USP24: variants seen among roughly 807,000 people sequenced by gnomAD.
USP24 encodes ubiquitin carboxyl-terminal hydrolase 24.
In USP24, 97 loss-of-function variants were observed where a neutral mutation model predicts 361.6. That is an observed-to-expected ratio of 0.27 (90% CI 0.23 to 0.32). USP24 has a LOEUF of 0.32. Ranked by LOEUF, USP24 falls within the 10% of genes least tolerant of loss-of-function variation. The probability of loss-of-function intolerance (pLI) is 1.00; values close to 1 mark genes in which losing one functional copy is unlikely to be tolerated. For synonymous variants in USP24, 1,098 were observed against 1,124.6 expected, an observed-to-expected ratio of 0.98 and a Z score of 0.47; for missense variants, 2,353 against 3,165.6, an observed-to-expected ratio of 0.74 and a Z score of 6.16.
intron 67 of USP24, among the ~76,000 whole-genome samples, chr1:55,070,341 C>T (rs1223402885): frequency 6.6e-6 from 1 of 152,134 alleles, no homozygotes; most frequent in Non-Finnish European, 1.5e-5. Context: ...AGAGACTCCA[C>T]AAACCTTTAC....
At chr1:55,175,338 T>G (rs1057165041) in intron 3 of USP24, among the ~76,000 whole-genome samples, 1 of 148,570 alleles carries the variant, frequency 6.7e-6, no homozygotes, top group African/African-American at 2.5e-5. Flanking sequence ...CAGATTCTCC[T>G]GCCTCAGCCT....
In USP24 at chr1:55,178,151, G is replaced by A; in HGVS notation, c.325-19C>T. The A allele has an allele frequency of 6.9e-7, 1 of 1,456,494 alleles. No homozygotes were observed. The highest frequency in any genetic ancestry group is 9.0e-7 in the Non-Finnish European group (1 of 1,107,810). The allele number at this position is 1,456,494 out of a possible 1,614,324, so 90.2% of individuals were successfully genotyped here. A position where few individuals can be genotyped will look rare whatever the true frequency, so the allele number is the denominator to read the frequency against. On this transcript the variant is annotated intron_variant, in intron 1 of 67. Coordinates refer to ENST00000294383, the MANE Select transcript of USP24 (RefSeq NM_015306.3). The stretch of plus-strand genomic sequence containing the variant: ...CATTCTTCTGACGAAAAGGGATTAA[G>A]ATAAAAAGCAAATAAAACTAATTAG...
chr1:55,124,731 TC>T, intron 34 of USP24, 103 bp from the exon 35 acceptor site: 1 of 1,248,654 alleles, frequency 8.0e-7, no homozygotes. Flanking sequence ...CTCCTTTCCC[TC>T]CAAGGTCATC....
At chr1:55,114,546 C>T (rs1416019230) in intron 38 of USP24, among the ~76,000 whole-genome samples, 1 of 152,102 alleles carries the variant, frequency 6.6e-6, no homozygotes, top group East Asian at 1.9e-4. Context: ...AACAGATATA[C>T]AGACCAATGG....
chr1:55,198,314 T>A (rs754476853), intron 1 of USP24, among the ~76,000 whole-genome samples: 4 of 152,118 alleles, frequency 2.6e-5, no homozygotes, highest in Non-Finnish European at 4.4e-5. Context: ...TACTCCATGT[T>A]CTCTCAAGCA....
At position 55,124,389 on chromosome 1, in the gene USP24, A is replaced by T; in HGVS notation, c.4120+80T>A. On this transcript the variant is annotated intron_variant, in intron 35 of 67. Coordinates refer to ENST00000294383, the MANE Select transcript of USP24 (RefSeq NM_015306.3). ...GAGAAGAGGGTCTCCCATTTTTGTG[A>T]CTCTGGCAAACCTACACACAGAATT... 4.0e-6 allele frequency: 6 copies of T among 1,489,304 alleles called. No individual in the cohort carries two copies. The Admixed American group carries it at 6.9e-5, about 17-fold the overall frequency. The allele number at this position is 1,489,304 out of a possible 1,614,324, so 92.3% of individuals were successfully genotyped here.
At chr1:55,115,672 T>C (rs953687051) in intron 38 of USP24, among the ~76,000 whole-genome samples, 4 of 152,114 alleles carry the variant, frequency 2.6e-5, no homozygotes, top group South Asian at 2.1e-4. Flanking sequence ...ACTGGATATA[T>C]ACCCAAAGGA....
intron 1 of USP24, among the ~76,000 whole-genome samples, chr1:55,189,377 G>A (rs914798486): frequency 2.6e-5 from 4 of 152,304 alleles, no homozygotes; most frequent in African/African-American, 9.6e-5. Flanking sequence ...TATTTTGAAT[G>A]AACATAGTGA....
chr1:55,165,254 A>G (rs1013176338), intron 7 of USP24, among the ~76,000 whole-genome samples: 3 of 152,138 alleles, frequency 2.0e-5, no homozygotes, highest in Non-Finnish European at 4.4e-5. Context: ...TATTCATGCC[A>G]AGTACGTAAT....
intron 39 of USP24, among the ~76,000 whole-genome samples, chr1:55,107,852 A>AAAAC (rs1553150223): frequency 3.6e-5 from 5 of 139,034 alleles, no homozygotes; most frequent in East Asian, 2.1e-4. Flanking sequence ...AAAAAAAAAA[A>AAAAC]AAAAAAAAAA....
intron 1 of USP24, among the ~76,000 whole-genome samples, chr1:55,182,476 T>A (rs912907680): frequency 1.3e-5 from 2 of 152,208 alleles, no homozygotes; most frequent in Admixed American, 6.5e-5. Flanking sequence ...CTGAGGTGGG[T>A]GTAGTTCATT....
rs80156825 is a variant in USP24, at chr1:55,104,421, T to C, written c.4881-401A>G. Reference sequence around the variant, plus strand: ...TTAGGATGGCAGCAAAAGAAAGCTGTAAAACCCAGAATAGATAGCCATAAA... The same window carrying C: ...TTAGGATGGCAGCAAAAGAAAGCTGCAAAACCCAGAATAGATAGCCATAAA... On this transcript the variant is annotated intron_variant, in intron 41 of 67. Transcript: ENST00000294383. 3.2e-3 allele frequency among the ~76,000 whole-genome samples: 492 copies of C among 152,268 alleles called. 3 individuals carry two copies. The highest frequency in any genetic ancestry group is 5.4e-3 in the Non-Finnish European group (370 of 68,004).
intron 15 of USP24, 82 bp from the exon 16 acceptor site, chr1:55,153,999 G>A (rs982424041): frequency 6.4e-7 from 1 of 1,551,462 alleles, no homozygotes; most frequent in Non-Finnish European, 8.7e-7. Flanking sequence ...TTTAAGGTAA[G>A]AGCTTCCAGA....
chr1:55,175,416 T>C (rs1365852394), intron 3 of USP24, among the ~76,000 whole-genome samples: 1 of 151,488 alleles, frequency 6.6e-6, no homozygotes, highest in Admixed American at 6.6e-5. Context: ...TTAGTAGAGA[T>C]AGGGTTTCAC....
In USP24 at chr1:55,154,818, C is replaced by G. The variant is rs770554647; in HGVS notation, c.1447-40G>C. ...ATTGGAAAAAAATTAAGTCTTGGAA[C>G]TCGGAACAACCTAAGTCTTCCCCCT... On this transcript the variant is annotated intron_variant, in intron 12 of 67. Transcript: ENST00000294383. 6 of 1,524,736 alleles carry G rather than the reference C, an allele frequency of 3.9e-6. No homozygotes were observed. In the South Asian group the frequency reaches 7.0e-5, roughly 18 times the overall value. The allele number at this position is 1,524,736 out of a possible 1,614,324, so 94.5% of individuals were successfully genotyped here.
intron 38 of USP24, 103 bp from the exon 39 acceptor site, chr1:55,110,349 T>G: frequency 1.0e-6 from 1 of 991,300 alleles, no homozygotes; most frequent in Non-Finnish European, 1.4e-6. Flanking sequence ...GCAAGATAAT[T>G]TTGGTAAGCA....
intron 48 of USP24, 149 bp from the exon 49 acceptor site, chr1:55,097,321 G>A (rs1432359479): frequency 6.3e-6 from 7 of 1,114,226 alleles, no homozygotes; most frequent in Non-Finnish European, 7.5e-6. Context: ...TCTCAGAAAT[G>A]TTAAGTCTGG....
At chr1:55,147,283 CAAT>C (rs1647054144) in intron 18 of USP24, among the ~76,000 whole-genome samples, 1 of 152,018 alleles carries the variant, frequency 6.6e-6, no homozygotes, top group Non-Finnish European at 1.5e-5. Context: ...TTTTGGATGT[CAAT>C]AAAATGTAAT....
At chr1:55,199,296 CAAAAAAACAAAACAAA>C (rs1557701314) in intron 1 of USP24, among the ~76,000 whole-genome samples, 1 of 148,818 alleles carries the variant, frequency 6.7e-6, no homozygotes, top group African/African-American at 2.5e-5. Context: ...TTCCAAAAAA[CAAAAAAACAAAACAAA>C]AAAAAAACAT....
Sources: gnomAD v4.1 joint callset for allele counts (sites outside exome capture counted in the v4.1 genomes callset) on GRCh38, gnomAD v4.1.1 for gene constraint, MANE v1.5 for transcripts, NCBI Gene and HGNC (gene_info 2026-07-23, HGNC 2026-07-21) for gene names.